The following PCDHA4 variants were observed in gnomAD, a reference collection of about 807,000 sequenced individuals.
PCDHA4 encodes the protein protocadherin alpha 4, also known as protocadherin alpha-4.
PCDHA4 carries 49 observed loss-of-function variants against 61.4 expected under a neutral mutation model. That is an observed-to-expected ratio of 0.80 (90% confidence interval 0.63 to 1.01). PCDHA4 has a LOEUF of 1.01. PCDHA4 is among the 50% of genes least tolerant of loss of function. The pLI, the probability that PCDHA4 is intolerant of heterozygous loss-of-function variation, is 0.00. For synonymous variants in PCDHA4, 590 were observed against 550.3 expected, an observed-to-expected ratio of 1.07 and a Z score of -1.01; for missense variants, 1,254 against 1,235.8, an observed-to-expected ratio of 1.01 and a Z score of -0.22.
intron 3 of PCDHA4, among the ~76,000 whole-genome samples, chr5:141,007,395 C>CAAAAAAAAAA (rs35800918): frequency 8.4e-5 from 8 of 94,862 alleles, no homozygotes; most frequent in African/African-American, 1.7e-4. Flanking sequence ...TACTAAAATA[C>CAAAAAAAAAA]AAAAAAAAAA....
At chr5:140,953,104 G>T (rs535123595) in intron 1 of PCDHA4, among the ~76,000 whole-genome samples, 1 of 152,244 alleles carries the variant, frequency 6.6e-6, no homozygotes, top group African/African-American at 2.4e-5. Flanking sequence ...CATGAGATTT[G>T]GGCAGGGACA....
At chr5:140,904,152 C>T (rs782254163) in intron 1 of PCDHA4, among the ~76,000 whole-genome samples, 16 of 152,024 alleles carry the variant, frequency 1.1e-4, no homozygotes, top group Non-Finnish European at 2.2e-4. Context: ...ATACATTGCA[C>T]CCAGTTTGTA....
intron 1 of PCDHA4, among the ~76,000 whole-genome samples, chr5:140,897,824 A>G (rs1234550995): frequency 2.6e-5 from 4 of 152,016 alleles, no homozygotes; most frequent in African/African-American, 9.7e-5. Flanking sequence ...AAGTGTTCCT[A>G]TTTCTCCACA....
At chr5:140,864,105 T>C (rs1413292385) in intron 1 of PCDHA4, 1 of 152,314 alleles carries the variant, frequency 6.6e-6, no homozygotes, top group Non-Finnish European at 1.5e-5. Flanking sequence ...ATAATGATAA[T>C]AGTAATAATG....
At chr5:140,903,229 T>C (rs2153479721) in intron 1 of PCDHA4, among the ~76,000 whole-genome samples, 1 of 152,340 alleles carries the variant, frequency 6.6e-6, no homozygotes, top group South Asian at 2.1e-4. Flanking sequence ...CATCTATTAC[T>C]TTTTGATTTT....
At chr5:140,824,231 C>G (rs2150133330) in intron 1 of PCDHA4, 1 of 1,533,044 alleles carries the variant, frequency 6.5e-7, no homozygotes, top group East Asian at 2.2e-5. Flanking sequence ...TCTTAGTACA[C>G]AAATATTGTG....
intron 1 of PCDHA4, chr5:140,830,206 C>A: frequency 1.9e-6 from 3 of 1,613,782 alleles, no homozygotes; most frequent in Non-Finnish European, 2.5e-6. Context: ...TCGCCATCTG[C>A]GCGGTATCCA....
rs781930086 is a variant in PCDHA4, at chr5:140,857,347, G to C, written c.2385+47775G>C. On this transcript the variant is annotated intron_variant, in intron 1 of 3. Coordinates refer to ENST00000530339, the MANE Select transcript of PCDHA4 (RefSeq NM_018907.4). The stretch of plus-strand genomic sequence containing the variant: ...CCGCGCGGGACGGGGGCTCGCCTCC[G>C]CTGTGGGCCACGGCCAGCGTGTCTG... 2.9e-5 allele frequency: 46 copies of C among 1,598,352 alleles called. 5 individuals are homozygous for C. In the Admixed American group the frequency reaches 3.4e-4, roughly 12 times the overall value.
chr5:140,941,214 C>CCCTTCTTTCTTTCTTTCTTTCTTT (rs2092871784), intron 1 of PCDHA4, among the ~76,000 whole-genome samples: 1 of 122,414 alleles, frequency 8.2e-6, no homozygotes, highest in Non-Finnish European at 1.7e-5. Flanking sequence ...TTTCTTTCTT[C>CCCTTCTTTCTTTCTTTCTTTCTTT]CTTTCTTTCT....
intron 1 of PCDHA4, among the ~76,000 whole-genome samples, chr5:140,964,876 G>A (rs2095860081): frequency 6.6e-6 from 1 of 152,188 alleles, no homozygotes; most frequent in Non-Finnish European, 1.5e-5. Flanking sequence ...CAAATAAGAA[G>A]CAGCAGTGAT....
chr5:140,843,322 G>T (rs1473227460), intron 1 of PCDHA4: 4 of 1,595,938 alleles, frequency 2.5e-6, no homozygotes, highest in Non-Finnish European at 1.7e-6. Context: ...CGGTTCTGGT[G>T]TCGCTGGTGG....
intron 1 of PCDHA4, among the ~76,000 whole-genome samples, chr5:140,900,829 A>G (rs2068324648): frequency 6.6e-6 from 1 of 152,110 alleles, no homozygotes; most frequent in Non-Finnish European, 1.5e-5. Context: ...TCCCACCAAC[A>G]ATGTACAAAG....
intron 1 of PCDHA4, among the ~76,000 whole-genome samples, chr5:140,938,233 A>AC (rs1329361250): frequency 6.6e-6 from 1 of 152,210 alleles, no homozygotes; most frequent in African/African-American, 2.4e-5. Context: ...GGCATAGGCC[A>AC]CCATGCCTGG....
At chr5:140,863,510 T>C in intron 1 of PCDHA4, 1 of 411,624 alleles carries the variant, frequency 2.4e-6, no homozygotes, top group Non-Finnish European at 4.8e-6. Context: ...TTAGTCCTAG[T>C]GTTCTCCCAT....
At chr5:141,006,192 G>A (rs2098259902) in intron 3 of PCDHA4, among the ~76,000 whole-genome samples, 1 of 150,138 alleles carries the variant, frequency 6.7e-6, no homozygotes, top group African/African-American at 2.5e-5. Context: ...TTTGCTATAT[G>A]TATGTTATGC....
chr5:141,010,398 G>C lies in PCDHA4; in HGVS notation c.*461G>C. The C allele has an allele frequency of 7.6e-7, 1 of 1,323,994 alleles. No individual in the cohort carries two copies. Among genetic ancestry groups the C allele is most frequent in the South Asian group, 1.5e-5 (1 of 66,476 alleles). 82.0% of individuals were successfully genotyped at this position (1,323,994 alleles called of 1,614,324 possible). A position where few individuals can be genotyped will look rare whatever the true frequency, so the allele number is the denominator to read the frequency against. ...GCCAGATATTGGCTGAGACGAGCCA[G>C]CTTAGACTAATTGGTACAAGGAAGG... On this transcript the variant is annotated 3_prime_UTR_variant, in exon 4 of 4. Transcript: ENST00000530339.
intron 1 of PCDHA4, chr5:140,816,978 A>C (rs1367187399): frequency 6.6e-6 from 1 of 152,086 alleles, no homozygotes; most frequent in Non-Finnish European, 1.5e-5. Flanking sequence ...GCCCACTAAA[A>C]TTCAGGAACT....
intron 1 of PCDHA4, among the ~76,000 whole-genome samples, chr5:140,879,326 T>C (rs1554170752): frequency 6.6e-6 from 1 of 152,232 alleles, no homozygotes. Flanking sequence ...CTCACTTTTT[T>C]AGTTTGTTCA....
chr5:140,871,364 G>A lies in PCDHA4; in HGVS notation c.2385+61792G>A, dbSNP rs113722940. ...AGCTGGTCATACTCGCAGCAGAGGC[G>A]GCAGAGGGTGTGCTCTGAGGAGGGC... On this transcript the variant is annotated intron_variant, in intron 1 of 3. Transcript: ENST00000530339. The A allele has an allele frequency of 2.5e-5, 40 of 1,614,220 alleles. 1 individual carries two copies. The highest frequency in any genetic ancestry group is 2.0e-4 in the African/African-American group (15 of 75,074).
Sources: allele counts gnomAD v4.1 joint callset (sites outside exome capture counted in the v4.1 genomes callset), GRCh38; gene constraint gnomAD v4.1.1; transcripts MANE v1.5; gene names NCBI Gene and HGNC (gene_info 2026-07-23, HGNC 2026-07-21).